The following PREX1 variants were observed in gnomAD, a reference collection of about 807,000 sequenced individuals.
PREX1 encodes phosphatidylinositol-3,4,5-trisphosphate dependent Rac exchange factor 1, also known as phosphatidylinositol 3,4,5-trisphosphate-dependent Rac exchanger 1 protein.
A neutral mutation model predicts 198.3 loss-of-function variants in PREX1; 41 were observed. The observed-to-expected ratio is 0.21, with a 90% confidence interval of 0.16 to 0.27. PREX1 has a LOEUF of 0.27. Ranked by LOEUF, PREX1 falls within the 10% of genes least tolerant of loss-of-function variation. The probability of loss-of-function intolerance (pLI) is 1.00; values close to 1 mark genes in which losing one functional copy is unlikely to be tolerated. For synonymous variants in PREX1, 843 were observed against 887.2 expected (o/e 0.95, Z 0.89); for missense variants, 1,620 against 2,200.7 (o/e 0.74, Z 5.28).
intron 1 of PREX1, among the ~76,000 whole-genome samples, chr20:48,790,568 C>T (rs1315213189): frequency 2.0e-5 from 3 of 152,154 alleles, no homozygotes; most frequent in Non-Finnish European, 4.4e-5. Flanking sequence ...TTCTGTTGTG[C>T]TCATTCTGCA....
the PREX1 span, among the ~76,000 whole-genome samples, chr20:48,869,023 C>T: frequency 6.6e-6 from 1 of 151,734 alleles, no homozygotes; most frequent in African/African-American, 2.4e-5. Context: ...ACTACAGGCA[C>T]GTGCCACCAT....
rs368516672 is a variant in PREX1 at position 48,804,116 on chromosome 20, A to G, written c.219+23526T>C. 6.6e-5 allele frequency among the ~76,000 whole-genome samples: 10 copies of G among 152,198 alleles called. 1 individual carries two copies. The highest frequency in any genetic ancestry group is 2.2e-4 in the African/African-American group (9 of 41,438). On this transcript the variant is annotated intron_variant, in intron 1 of 39. Transcript: ENST00000371941. ...CGCCCAGAAGAAGGCCTGGGATATA[A>G]TATAATCTTCAGGAAATACGTGACA... is the stretch of plus-strand genomic sequence containing the variant.
At chr20:48,748,782 G>A (rs1333858559) in intron 1 of PREX1, among the ~76,000 whole-genome samples, 2 of 152,226 alleles carry the variant, frequency 1.3e-5, no homozygotes, top group African/African-American at 4.8e-5. Flanking sequence ...GGTCACGTGG[G>A]GAGGCCGCAG....
At chr20:48,858,811 T>C in the PREX1 span, among the ~76,000 whole-genome samples, 1 of 152,262 alleles carries the variant, frequency 6.6e-6, no homozygotes, top group African/African-American at 2.4e-5. Flanking sequence ...AGTCCTGATA[T>C]TAACAATAAT....
At chr20:48,777,643 A>G (rs963024233) in intron 1 of PREX1, among the ~76,000 whole-genome samples, 2 of 152,204 alleles carry the variant, frequency 1.3e-5, no homozygotes, top group Admixed American at 6.5e-5. Flanking sequence ...TATAAAGACC[A>G]AGGCCTGAAG....
chr20:48,801,436 C>T (rs944864730), intron 1 of PREX1, among the ~76,000 whole-genome samples: 29 of 152,194 alleles, frequency 1.9e-4, no homozygotes, highest in African/African-American at 6.0e-4. Context: ...AGCCCCACCA[C>T]GCAGAGACAC....
At chr20:48,704,545 C>CTTCCTTCCTTCCT (rs1211989286) in intron 6 of PREX1, among the ~76,000 whole-genome samples, 6 of 150,576 alleles carry the variant, frequency 4.0e-5, no homozygotes, top group Non-Finnish European at 7.4e-5. Flanking sequence ...CCTTCCTTTC[C>CTTCCTTCCTTCCT]TTCCTTCCTT....
chr20:48,771,101 A>G (rs1337563114), intron 1 of PREX1, among the ~76,000 whole-genome samples: 1 of 152,056 alleles, frequency 6.6e-6, no homozygotes. Context: ...CCCACTGTCA[A>G]TATTTCAACA....
chr20:48,727,493 C>T (rs770445472), intron 4 of PREX1, among the ~76,000 whole-genome samples: 1 of 152,108 alleles, frequency 6.6e-6, no homozygotes, highest in Non-Finnish European at 1.5e-5. Context: ...TATCATCCAT[C>T]GTAAACACTG....
At chr20:48,872,428 A>T in the PREX1 span, among the ~76,000 whole-genome samples, 3 of 152,160 alleles carry the variant, frequency 2.0e-5, no homozygotes, top group Non-Finnish European at 2.9e-5. Flanking sequence ...GCTTGAGATC[A>T]ACTAAGTATT....
At chr20:48,641,824 A>AGAGAG (rs2089412260) in intron 29 of PREX1, among the ~76,000 whole-genome samples, 1 of 114,888 alleles carries the variant, frequency 8.7e-6, no homozygotes, top group African/African-American at 3.9e-5. Flanking sequence ...GAAAGAAAGA[A>AGAGAG]AGAGAGAGAG....
At chr20:48,803,546 G>A (rs1474207768) in intron 1 of PREX1, among the ~76,000 whole-genome samples, 1 of 152,170 alleles carries the variant, frequency 6.6e-6, no homozygotes, top group African/African-American at 2.4e-5. Context: ...ACCAAGACCA[G>A]CAGCACCCCA....
At chr20:48,776,661 T>TA (rs1304556808) in intron 1 of PREX1, among the ~76,000 whole-genome samples, 3 of 152,216 alleles carry the variant, frequency 2.0e-5, no homozygotes, top group Non-Finnish European at 2.9e-5. Context: ...GGAAACTACT[T>TA]AGTGTCCAGT....
chr20:48,711,653 T>G (rs1291176736), intron 5 of PREX1, among the ~76,000 whole-genome samples: 1 of 152,208 alleles, frequency 6.6e-6, no homozygotes, highest in Non-Finnish European at 1.5e-5. Context: ...AGTGGTTGCT[T>G]TTACACTACA....
chr20:48,671,396 A>AGC (rs1265330965), intron 14 of PREX1, among the ~76,000 whole-genome samples: 1 of 152,238 alleles, frequency 6.6e-6, no homozygotes, highest in African/African-American at 2.4e-5. Context: ...GAAAGGCAGG[A>AGC]GATGCCTGGG....
intron 15 of PREX1, among the ~76,000 whole-genome samples, chr20:48,661,444 A>AAAAAAAAT (rs1555832820): frequency 6.5e-4 from 32 of 49,586 alleles, no homozygotes; most frequent in Non-Finnish European, 7.8e-4. Flanking sequence ...AAAAAAAAAA[A>AAAAAAAAT]ATATATATAT....
the PREX1 span, among the ~76,000 whole-genome samples, chr20:48,887,290 T>TG: frequency 6.6e-6 from 1 of 152,194 alleles, no homozygotes; most frequent in Non-Finnish European, 1.5e-5. Flanking sequence ...AAAATGTTGG[T>TG]GGCCAGGAGC....
chr20:48,669,674 T>C (rs1022242290), intron 14 of PREX1, among the ~76,000 whole-genome samples: 1 of 151,946 alleles, frequency 6.6e-6, no homozygotes, highest in Admixed American at 6.6e-5. Context: ...CTGTCTATAG[T>C]GGTGGGGAGA....
At chr20:48,772,201 A>G (rs1024346045) in intron 1 of PREX1, among the ~76,000 whole-genome samples, 1 of 146,550 alleles carries the variant, frequency 6.8e-6, no homozygotes, top group East Asian at 2.0e-4. Context: ...TCTCAAAATA[A>G]ATAAATAAAT....
Sources: gnomAD v4.1 joint callset for allele counts (sites outside exome capture counted in the v4.1 genomes callset) on GRCh38, gnomAD v4.1.1 for gene constraint, MANE v1.5 for transcripts, NCBI Gene and HGNC (gene_info 2026-07-23, HGNC 2026-07-21) for gene names.